CCDC34: variants seen among roughly 807,000 people sequenced by gnomAD.
The protein encoded by CCDC34 is coiled-coil domain-containing protein 34.
Under a neutral mutation model 44.1 loss-of-function variants are expected in CCDC34, and 40 were observed. The observed-to-expected ratio is 0.91, with a 90% CI of 0.70 to 1.18. CCDC34 has a LOEUF of 1.18. Ranked by LOEUF, CCDC34 falls within the 50% of genes most tolerant of loss-of-function variation. CCDC34 has a pLI of 0.00. For synonymous variants in CCDC34, 159 were observed against 158.2 expected, an observed-to-expected ratio of 1.01 and a Z score of -0.04; for missense variants, 466 against 452.3, an observed-to-expected ratio of 1.03 and a Z score of -0.28.
At chr11:27,340,450 C>T (rs1212977597) in intron 5 of CCDC34, among the ~76,000 whole-genome samples, 2 of 152,142 alleles carry the variant, frequency 1.3e-5, no homozygotes, top group African/African-American at 2.4e-5. Context: ...CTTAATGTTA[C>T]AAATCACTAC....
chr11:27,357,323 A>G, intron 2 of CCDC34, 80 bp downstream of exon 2: 10 of 1,377,586 alleles, frequency 7.3e-6, no homozygotes, highest in Non-Finnish European at 9.9e-6. Context: ...AGGAATAATA[A>G]CATTAACATT....
At chr11:27,350,080 A>G (rs1441893363) in intron 3 of CCDC34, 1 of 1,346,984 alleles carries the variant, frequency 7.4e-7, no homozygotes, top group South Asian at 2.4e-5. Flanking sequence ...GGTCAGGCCT[A>G]GAAATACAGA....
In CCDC34 at chr11:27,357,387, C is replaced by T. The variant is rs1443571193; in HGVS notation, c.498+16G>A. On this transcript the variant is annotated intron_variant, in intron 2 of 5. Transcript: ENST00000328697. ...GAGCTCACAGATTAAATAAAAAGAA[C>T]ACTGTCTAGTTTTACCTCTAGAGCT... is the stretch of plus-strand genomic sequence containing the variant. 1.9e-6 allele frequency: 3 copies of T among 1,603,636 alleles called. No individual in the cohort carries two copies. Among genetic ancestry groups the T allele is most frequent in the Non-Finnish European group, 2.6e-6 (3 of 1,174,822 alleles).
intron 3 of CCDC34, among the ~76,000 whole-genome samples, chr11:27,346,468 GAGGAAAGA>G (rs1483666077): frequency 3.3e-5 from 3 of 89,980 alleles, no homozygotes; most frequent in Admixed American, 2.4e-4. Context: ...AGGGAAGACA[GAGGAAAGA>G]AGGAAGGAAG....
intron 3 of CCDC34, among the ~76,000 whole-genome samples, chr11:27,347,987 C>T (rs779475599): frequency 1.3e-5 from 2 of 151,994 alleles, no homozygotes; most frequent in African/African-American, 4.8e-5. Context: ...AAGGAAGACA[C>T]AACAGGCACT....
At chr11:27,356,403 T>C (rs79835703) in intron 2 of CCDC34, among the ~76,000 whole-genome samples, 2 of 152,178 alleles carry the variant, frequency 1.3e-5, no homozygotes, top group East Asian at 3.9e-4. Flanking sequence ...TTAACAAATA[T>C]GTAATACATT....
chr11:27,357,862 T>G (rs1486563728), intron 1 of CCDC34, among the ~76,000 whole-genome samples: 2 of 152,186 alleles, frequency 1.3e-5, no homozygotes, highest in East Asian at 3.8e-4. Context: ...AAATCTTACC[T>G]GGATAACTAA....
chr11:27,343,401 CAAAA>C (rs34004808), intron 3 of CCDC34, among the ~76,000 whole-genome samples: 1 of 110,742 alleles, frequency 9.0e-6, no homozygotes. Context: ...GACTCCGTCT[CAAAA>C]AAAAAAAAAA....
At chr11:27,342,316 T>C (rs2045934) in intron 3 of CCDC34, among the ~76,000 whole-genome samples, 40,886 of 119,248 alleles carry the variant, frequency 0.34, 6,308 homozygotes, top group Non-Finnish European at 0.42. Flanking sequence ...TATATATATA[T>C]ACACACACAC....
chr11:27,354,101 G>A (rs1474387301), intron 2 of CCDC34, among the ~76,000 whole-genome samples: 2 of 152,168 alleles, frequency 1.3e-5, no homozygotes, highest in Non-Finnish European at 2.9e-5. Context: ...TACCACAAGA[G>A]CTCAACATGA....
Position 27,354,338 on chromosome 11 carries a change from T to C in CCDC34, c.498+3065A>G, listed in dbSNP as rs150789547. 5.8e-3 allele frequency among the ~76,000 whole-genome samples: 890 copies of C among 152,354 alleles called. 5 individuals are homozygous for C. The highest frequency in any genetic ancestry group is 9.6e-3 in the Non-Finnish European group (654 of 68,032). ...GTGATAGGGTTTATATTTATTATTT[T>C]AATCTGTTCTCAAAACAAATCTTCA... On this transcript the variant is annotated intron_variant, in intron 2 of 5. Transcript: ENST00000328697.
In CCDC34 at chr11:27,348,475, G is replaced by A. The variant is rs1223165718; in HGVS notation, c.606+1857C>T. On this transcript the variant is annotated intron_variant, in intron 3 of 5. Transcript: ENST00000328697. Reference sequence around the variant, plus strand: ...TACCACGGCAACACAAATGTTAGGAGTACCAGATGAGATAGAACATTTATT... The same window carrying A: ...TACCACGGCAACACAAATGTTAGGAATACCAGATGAGATAGAACATTTATT... Among the ~76,000 whole-genome samples the A allele has an allele frequency of 3.9e-5, 6 of 152,172 alleles. No individual in the cohort carries two copies. The East Asian group carries it at 9.6e-4, about 24-fold the overall frequency.
At chr11:27,341,254 A>G (rs937187740) in intron 4 of CCDC34, 138 bp downstream of exon 4, 7 of 534,176 alleles carry the variant, frequency 1.3e-5, no homozygotes, top group Non-Finnish European at 2.3e-5. Flanking sequence ...GTTTAAACAC[A>G]GCGTAACAGG....
intron 3 of CCDC34, among the ~76,000 whole-genome samples, chr11:27,343,453 G>C (rs1272221997): frequency 6.6e-6 from 1 of 151,456 alleles, no homozygotes; most frequent in Non-Finnish European, 1.5e-5. Context: ...TTGTATCAAA[G>C]TTGCTGTATT....
chr11:27,340,779 T>C lies in CCDC34; in HGVS notation c.824A>G (p.Lys275Arg). The part of the protein sequence containing the change: ...IQEKKEIAEK[K>R]FQEWLENAKH... ...CGCATTTTCCAACCATTCTTGAAAC[T>C]TTTTTTCTGCTATTTCCTTTTTCTC... The change falls in exon 5 of 6, where the codon AAG becomes AGG. Residue 275 changes from lysine to arginine, a missense_variant. Lys to Arg is a conservative substitution (Grantham distance 26). Coordinates refer to ENST00000328697, the MANE Select transcript of CCDC34 (RefSeq NM_030771.2). The C allele has an allele frequency of 1.9e-6, 3 of 1,613,504 alleles. No individual in the cohort carries two copies. Among genetic ancestry groups the C allele is most frequent in the Non-Finnish European group, 1.7e-6 (2 of 1,179,664 alleles).
intron 3 of CCDC34, among the ~76,000 whole-genome samples, chr11:27,345,713 C>A (rs1273777469): frequency 1.3e-5 from 2 of 152,106 alleles, no homozygotes; most frequent in African/African-American, 4.8e-5. Flanking sequence ...GGTTCCAAGT[C>A]TTTGCTATTG....
At chr11:27,348,749 C>T (rs1393937392) in intron 3 of CCDC34, 1 of 677,030 alleles carries the variant, frequency 1.5e-6, no homozygotes, top group African/African-American at 2.3e-5. Flanking sequence ...GCAGTCTTTA[C>T]AAATAGAGGT....
rs1475130155 is a variant in CCDC34 at position 27,340,847 on chromosome 11, A to G, written c.766-10T>C. On this transcript the variant is annotated splice_polypyrimidine_tract_variant and intron_variant, in intron 4 of 5. Transcript: ENST00000328697. Reference sequence around the variant, plus strand: ...GTTGTTTTTCTTTTTCCTTAAAATGACAAGACCAAAATATTTCCAGGGATA... The same window carrying G: ...GTTGTTTTTCTTTTTCCTTAAAATGGCAAGACCAAAATATTTCCAGGGATA... 2 of 1,609,754 alleles carry G rather than the reference A, an allele frequency of 1.2e-6. No homozygotes were observed. Among genetic ancestry groups the G allele is most frequent in the Non-Finnish European group, 8.5e-7 (1 of 1,178,014 alleles).
chr11:27,359,077 C>CA (rs1862621809), intron 1 of CCDC34, among the ~76,000 whole-genome samples: 1 of 151,154 alleles, frequency 6.6e-6, no homozygotes, highest in African/African-American at 2.4e-5. Flanking sequence ...ACCATCTGGA[C>CA]AAAACTGGCC....
Sources: gnomAD v4.1 joint callset for allele counts (sites outside exome capture counted in the v4.1 genomes callset) on GRCh38, gnomAD v4.1.1 for gene constraint, MANE v1.5 for transcripts, NCBI Gene and HGNC (gene_info 2026-07-23, HGNC 2026-07-21) for gene names.